PDE11A: variants seen among roughly 807,000 people sequenced by gnomAD.
PDE11A encodes the protein dual 3',5'-cyclic-AMP and -GMP phosphodiesterase 11A.
Under a neutral mutation model 100.5 loss-of-function variants are expected in PDE11A, and 100 were observed. The ratio of observed to expected loss-of-function variants is 1.00; its 90% CI spans 0.85 to 1.18. The LOEUF (loss-of-function observed/expected upper bound fraction) is 1.18, where lower values mean the gene tolerates loss of function less well. PDE11A is among the 50% of genes most tolerant of loss of function. The pLI is 0.00. For synonymous variants in PDE11A, 381 were observed against 420.8 expected, an observed-to-expected ratio of 0.91 and a Z score of 1.16; for missense variants, 1,141 against 1,152.6, an observed-to-expected ratio of 0.99 and a Z score of 0.15.
chr2:177,727,844 T>C lies in PDE11A; in HGVS notation c.1936-79A>G. 3 of 1,008,244 alleles carry C rather than the reference T, an allele frequency of 3.0e-6. No homozygotes were observed. In the South Asian group the frequency reaches 3.8e-5, roughly 13 times the overall value. 62.5% of individuals were successfully genotyped at this position (1,008,244 alleles called of 1,614,324 possible). ...CCTTATCTCAATGGTGCCTTATATC[T>C]GAGTAACCCTCAGTGATCAAAGGCC... is the stretch of plus-strand genomic sequence containing the variant. On this transcript the variant is annotated intron_variant, in intron 11 of 19. Transcript: ENST00000286063.
At chr2:177,879,864 A>G (rs1237589194) in intron 4 of PDE11A, among the ~76,000 whole-genome samples, 1 of 152,222 alleles carries the variant, frequency 6.6e-6, no homozygotes, top group East Asian at 1.9e-4. Flanking sequence ...AAAAGGAAAA[A>G]ACACTTTTTT....
intron 4 of PDE11A, chr2:177,888,671 G>A (rs902997382): frequency 2.6e-4 from 249 of 971,456 alleles, no homozygotes; most frequent in Non-Finnish European, 2.9e-4. Context: ...GGACTTTAAG[G>A]CCCTAGTTCA....
At chr2:177,832,540 T>A (rs2083327147) in intron 6 of PDE11A, among the ~76,000 whole-genome samples, 1 of 149,400 alleles carries the variant, frequency 6.7e-6, no homozygotes. Flanking sequence ...TTAATACTCC[T>A]TAATACTCAC....
intron 2 of PDE11A, among the ~76,000 whole-genome samples, chr2:178,012,449 C>G (rs1270660048): frequency 1.3e-5 from 2 of 152,144 alleles, no homozygotes. Flanking sequence ...TTATTTAACT[C>G]TCCTGCTATA....
At chr2:178,025,937 G>A (rs2086473050) in intron 1 of PDE11A, among the ~76,000 whole-genome samples, 1 of 152,180 alleles carries the variant, frequency 6.6e-6, no homozygotes, top group African/African-American at 2.4e-5. Context: ...ATAAGGGGAA[G>A]GGAACTATCA....
At chr2:177,743,167 C>T (rs1446440185) in intron 10 of PDE11A, among the ~76,000 whole-genome samples, 1 of 152,178 alleles carries the variant, frequency 6.6e-6, no homozygotes, top group East Asian at 1.9e-4. Context: ...AAGCTTAATA[C>T]AGATGCTGAT....
At position 177,627,309 on chromosome 2, in the gene PDE11A, T is replaced by C. The variant is rs573770060; in HGVS notation, c.*2098A>G. 2 of 152,412 alleles carry C rather than the reference T, an allele frequency of 1.3e-5. No individual in the cohort carries two copies. Among genetic ancestry groups the C allele is most frequent in the East Asian group, 1.9e-4 (1 of 5,152 alleles). 9.4% of individuals were successfully genotyped at this position (152,412 alleles called of 1,614,324 possible). On this transcript the variant is annotated 3_prime_UTR_variant, in exon 20 of 20. Transcript: ENST00000286063. ...CCTCGGCCTTCCAAATTGCTGGGAT[T>C]ACAGGCGTGAGCCACCGCGCCCGGT...
chr2:177,887,726 C>G (rs1182583351), intron 4 of PDE11A, among the ~76,000 whole-genome samples: 1 of 152,244 alleles, frequency 6.6e-6, no homozygotes, highest in East Asian at 1.9e-4. Context: ...TGCACTCCAG[C>G]GTAGGTGACA....
intron 9 of PDE11A, among the ~76,000 whole-genome samples, chr2:177,804,993 A>G (rs1259200641): frequency 1.3e-5 from 2 of 151,880 alleles, no homozygotes; most frequent in African/African-American, 2.4e-5. Context: ...GTTCACTATT[A>G]GGGTGATGGA....
At chr2:177,923,017 T>C (rs2085075189) in intron 2 of PDE11A, among the ~76,000 whole-genome samples, 1 of 151,170 alleles carries the variant, frequency 6.6e-6, no homozygotes, top group East Asian at 1.9e-4. Flanking sequence ...GACTTTTCGA[T>C]TTGCTCTACC....
chr2:177,996,084 G>A (rs2086069745), intron 2 of PDE11A, among the ~76,000 whole-genome samples: 1 of 152,040 alleles, frequency 6.6e-6, no homozygotes, highest in African/African-American at 2.4e-5. Context: ...AAAATCAGCT[G>A]GGTGTGGTGG....
intron 9 of PDE11A, among the ~76,000 whole-genome samples, chr2:177,774,078 C>T (rs532224775): frequency 1.4e-4 from 22 of 152,216 alleles, no homozygotes; most frequent in African/African-American, 4.8e-4. Context: ...CAGGGCACAG[C>T]GAGAACCCAG....
intron 18 of PDE11A, among the ~76,000 whole-genome samples, chr2:177,664,338 A>C (rs1228990123): frequency 6.6e-6 from 1 of 152,194 alleles, no homozygotes; most frequent in Non-Finnish European, 1.5e-5. Context: ...AGAGGTTGGG[A>C]TAGAATAGGA....
chr2:177,686,814 A>G (rs2080959141), intron 15 of PDE11A: 1 of 144,170 alleles, frequency 6.9e-6, no homozygotes. Context: ...GGTTCAAGTG[A>G]TTCTCCTGCC....
intron 9 of PDE11A, among the ~76,000 whole-genome samples, chr2:177,803,670 T>C (rs1157214186): frequency 6.6e-6 from 1 of 152,046 alleles, no homozygotes; most frequent in African/African-American, 2.4e-5. Context: ...ACAAGTGTGA[T>C]ACATCACACA....
In PDE11A at chr2:177,938,555, C is replaced by T. The variant is rs866566502; in HGVS notation, c.1072-33368G>A. 3.9e-5 allele frequency among the ~76,000 whole-genome samples: 6 copies of T among 152,324 alleles called. No homozygotes were observed. In the South Asian group the frequency reaches 1.2e-3, roughly 32 times the overall value. On this transcript the variant is annotated intron_variant, in intron 2 of 19. Transcript: ENST00000286063. ...GACCTGGCTGGAACTGCATTTCCTA[C>T]TTATGCTTACACAATTCCCTGGCAA...
At chr2:177,909,470 T>C (rs1374897981) in intron 2 of PDE11A, among the ~76,000 whole-genome samples, 2 of 152,164 alleles carry the variant, frequency 1.3e-5, no homozygotes, top group African/African-American at 4.8e-5. Flanking sequence ...ATGACACCAT[T>C]ACTATTTTCA....
intron 2 of PDE11A, among the ~76,000 whole-genome samples, chr2:178,096,169 C>CTTTT (rs71010857): frequency 5.0e-5 from 6 of 120,110 alleles, no homozygotes; most frequent in African/African-American, 1.3e-4. Flanking sequence ...CTTTTCTTTT[C>CTTTT]TTTTTTTTTT....
intron 5 of PDE11A, among the ~76,000 whole-genome samples, chr2:177,869,297 T>A (rs540540896): frequency 1.3e-5 from 2 of 152,238 alleles, no homozygotes; most frequent in Non-Finnish European, 2.9e-5. Flanking sequence ...AATCAAGGAA[T>A]TGACAGAGCT....
Sources: allele counts gnomAD v4.1 joint callset (sites outside exome capture counted in the v4.1 genomes callset), GRCh38; gene constraint gnomAD v4.1.1; transcripts MANE v1.5; gene names NCBI Gene and HGNC (gene_info 2026-07-23, HGNC 2026-07-21).